CDH13: variants seen among roughly 807,000 people sequenced by gnomAD.
The protein encoded by CDH13 is cadherin-13.
Under a neutral mutation model 63.8 loss-of-function variants are expected in CDH13, and 24 were observed. That is an observed-to-expected ratio of 0.38 (90% CI 0.27 to 0.53). CDH13 has a LOEUF of 0.53. Ranked by LOEUF, CDH13 falls within the 20% of genes least tolerant of loss-of-function variation. The pLI, the probability that CDH13 is intolerant of heterozygous loss-of-function variation, is 0.85. For missense variants in CDH13, 1,049 were observed against 903.1 expected (o/e 1.16, Z -2.07); for synonymous variants, 503 against 355.3 (o/e 1.42, Z -4.67).
At chr16:83,493,221 G>C (rs983549177) in intron 7 of CDH13, among the ~76,000 whole-genome samples, 2 of 152,208 alleles carry the variant, frequency 1.3e-5, no homozygotes, top group Non-Finnish European at 2.9e-5. Flanking sequence ...TTCCATGATT[G>C]ACAATGAGAC....
At chr16:83,177,468 G>A (rs910483952) in intron 4 of CDH13, among the ~76,000 whole-genome samples, 4 of 152,156 alleles carry the variant, frequency 2.6e-5, no homozygotes, top group South Asian at 2.1e-4. Context: ...TGGCATATCC[G>A]CAAGCCAAGC....
intron 6 of CDH13, among the ~76,000 whole-genome samples, chr16:83,434,148 C>G (rs896925687): frequency 3.3e-5 from 5 of 152,148 alleles, no homozygotes; most frequent in African/African-American, 1.2e-4. Context: ...TGTACCTAAG[C>G]TGAGGTACCA....
intron 1 of CDH13, among the ~76,000 whole-genome samples, chr16:82,777,679 T>C (rs2035560241): frequency 6.6e-6 from 1 of 152,324 alleles, no homozygotes; most frequent in Middle Eastern, 3.4e-3. Flanking sequence ...AGCTGGGTCT[T>C]TGGGCCATAA....
chr16:82,839,284 C>A (rs2113138), intron 1 of CDH13, among the ~76,000 whole-genome samples: 1 of 152,024 alleles, frequency 6.6e-6, no homozygotes, highest in Non-Finnish European at 1.5e-5. Context: ...GCCCTCTAGG[C>A]TTAGATGTGG....
intron 6 of CDH13, among the ~76,000 whole-genome samples, chr16:83,372,258 G>T (rs530784210): frequency 1.3e-5 from 2 of 152,176 alleles, no homozygotes; most frequent in Non-Finnish European, 2.9e-5. Flanking sequence ...CTCAACTAGT[G>T]ACAGGTGAAG....
At chr16:83,266,432 A>G (rs16960020) in intron 5 of CDH13, among the ~76,000 whole-genome samples, 12,348 of 152,256 alleles carry the variant, frequency 0.081, 579 homozygotes, top group East Asian at 0.19. Context: ...CATTGTTAAC[A>G]TTGAATTTAT....
At chr16:83,038,722 A>G (rs912745548) in intron 3 of CDH13, among the ~76,000 whole-genome samples, 1 of 152,220 alleles carries the variant, frequency 6.6e-6, no homozygotes, top group Admixed American at 6.5e-5. Flanking sequence ...GAAAAGCTCC[A>G]TGCTTCGTTC....
intron 6 of CDH13, among the ~76,000 whole-genome samples, chr16:83,371,949 C>T (rs1314451991): frequency 1.3e-5 from 2 of 152,154 alleles, no homozygotes; most frequent in Non-Finnish European, 2.9e-5. Context: ...ATCCCCCGGA[C>T]CGTATATACA....
Position 83,487,515 on chromosome 16 carries a change from C to G in CDH13, c.960+860C>G, listed in dbSNP as rs185676545. 3.3e-5 allele frequency among the ~76,000 whole-genome samples: 5 copies of G among 152,248 alleles called. No homozygotes were observed. In the East Asian group the frequency reaches 9.7e-4, roughly 29 times the overall value. ...ATGGGCCCCTCTGGTCCTGCCCTTT[C>G]CTGAGTTTGAGGTCCACCGTGTAGC... On this transcript the variant is annotated intron_variant, in intron 7 of 13. Coordinates refer to ENST00000567109, the MANE Select transcript of CDH13 (RefSeq NM_001257.5).
chr16:82,895,513 A>G (rs62035246), intron 2 of CDH13, among the ~76,000 whole-genome samples: 11,924 of 152,190 alleles, frequency 0.078, 653 homozygotes, highest in Non-Finnish European at 0.11. Flanking sequence ...ATGAACCCAC[A>G]TTGACACACA....
intron 3 of CDH13, among the ~76,000 whole-genome samples, chr16:83,038,033 A>G (rs2151483543): frequency 6.6e-6 from 1 of 152,318 alleles, no homozygotes; most frequent in East Asian, 1.9e-4. Flanking sequence ...AAGAGAAAGT[A>G]AAGCCAATGA....
At chr16:82,682,398 CAG>C (rs1914643970) in intron 1 of CDH13, among the ~76,000 whole-genome samples, 2 of 152,266 alleles carry the variant, frequency 1.3e-5, no homozygotes, top group South Asian at 2.1e-4. Context: ...TGATGAGAAA[CAG>C]AGGAGAGGCC....
chr16:82,926,243 A>T lies in CDH13; in HGVS notation c.157+67770A>T, dbSNP rs1000193885. On this transcript the variant is annotated intron_variant, in intron 2 of 13. Coordinates refer to ENST00000567109, the MANE Select transcript of CDH13 (RefSeq NM_001257.5). Reference sequence around the variant, plus strand: ...GCAAAAGCACCCTAGACAATATTTAAAATGAATGGACATGACAGTGTTCCA... The same window carrying T: ...GCAAAAGCACCCTAGACAATATTTATAATGAATGGACATGACAGTGTTCCA... Among the ~76,000 whole-genome samples, 6 of 152,126 alleles carry T rather than the reference A, an allele frequency of 3.9e-5. No individual in the cohort carries two copies. In the South Asian group the frequency reaches 1.2e-3, roughly 32 times the overall value.
At chr16:83,619,556 G>A (rs536048120) in intron 8 of CDH13, among the ~76,000 whole-genome samples, 1 of 152,218 alleles carries the variant, frequency 6.6e-6, no homozygotes, top group Non-Finnish European at 1.5e-5. Flanking sequence ...GAGAGAATTG[G>A]TTTGATGCCT....
intron 5 of CDH13, among the ~76,000 whole-genome samples, chr16:83,317,313 G>A (rs1163180469): frequency 6.6e-6 from 1 of 152,206 alleles, no homozygotes; most frequent in African/African-American, 2.4e-5. Flanking sequence ...CTTTGCTGGT[G>A]TCACATCTGC....
chr16:83,419,807 A>T (rs911853087), intron 6 of CDH13, among the ~76,000 whole-genome samples: 14 of 152,218 alleles, frequency 9.2e-5, no homozygotes, highest in African/African-American at 3.4e-4. Context: ...CAGCAGGTTT[A>T]GGAGTCACCT....
At chr16:83,717,493 C>T (rs902979575) in intron 10 of CDH13, among the ~76,000 whole-genome samples, 1 of 152,228 alleles carries the variant, frequency 6.6e-6, no homozygotes, top group Non-Finnish European at 1.5e-5. Flanking sequence ...GAGAAACAGG[C>T]CCAGGCCATC....
At chr16:83,201,831 C>T (rs2039041263) in intron 4 of CDH13, among the ~76,000 whole-genome samples, 1 of 151,824 alleles carries the variant, frequency 6.6e-6, no homozygotes, top group South Asian at 2.1e-4. Context: ...ACAAGAATGG[C>T]GTGAACCCGG....
At chr16:82,702,864 C>G (rs374234518) in intron 1 of CDH13, among the ~76,000 whole-genome samples, 5 of 152,186 alleles carry the variant, frequency 3.3e-5, no homozygotes, top group Non-Finnish European at 7.3e-5. Flanking sequence ...ACCTTTGTCT[C>G]TAGATCTTCC....
Sources: allele counts gnomAD v4.1 joint callset (sites outside exome capture counted in the v4.1 genomes callset), GRCh38; gene constraint gnomAD v4.1.1; transcripts MANE v1.5; gene names NCBI Gene and HGNC (gene_info 2026-07-23, HGNC 2026-07-21).